The following IKBKB variants were observed in gnomAD, a reference collection of about 807,000 sequenced individuals.
IKBKB encodes the protein inhibitor of nuclear factor kappa B kinase subunit beta, also known as inhibitor of nuclear factor kappa-B kinase subunit beta.
In IKBKB, 42 loss-of-function variants were observed where a neutral mutation model predicts 113.6. That is an observed-to-expected ratio of 0.37 (90% CI 0.29 to 0.48). The LOEUF (loss-of-function observed/expected upper bound fraction) is 0.48. IKBKB is among the 20% of genes least tolerant of loss of function. IKBKB has a pLI of 0.99. For synonymous variants in IKBKB, 296 were observed against 361.3 expected (o/e 0.82, Z 2.05); for missense variants, 673 against 939.7 (o/e 0.72, Z 3.71).
intron 20 of IKBKB, among the ~76,000 whole-genome samples, chr8:42,327,828 G>A (rs1472400299): frequency 1.8e-3 from 3 of 1,690 alleles, no homozygotes; most frequent in African/African-American, 2.8e-3. Context: ...TTTTGAGACG[G>A]AGTCTCGCTC....
In IKBKB at chr8:42,332,456, G is replaced by C. The variant is rs199654574; in HGVS notation, c.*1477G>C. 4.2e-4 allele frequency: 64 copies of C among 152,210 alleles called. No individual in the cohort carries two copies. Among genetic ancestry groups the C allele is most frequent in the African/African-American group, 1.5e-3 (61 of 41,518 alleles). The allele number at this position is 152,210 out of a possible 1,614,324, so 9.4% of individuals were successfully genotyped here. On this transcript the variant is annotated 3_prime_UTR_variant, in exon 22 of 22. Transcript: ENST00000520810. ...ATAAAGCACAATTTTGGAAACCCTG[G>C]TAAATGACAGTGGGAAATAACACCC...
rs1017651013 is a variant in IKBKB, at chr8:42,329,669, A to AC, written c.2205+457dup. The AC allele has an allele frequency of 4.1e-6, 4 of 985,254 alleles. No individual in the cohort carries two copies. The African/African-American group carries it at 7.0e-5, about 17-fold the overall frequency. The allele number at this position is 985,254 out of a possible 1,614,324, so 61.0% of individuals were successfully genotyped here. ...GCATTGTTCCCAGAAGCCTGTCCCC[A>AC]CCTGCACCATTGGTACTACTGCTGA... On this transcript the variant is annotated intron_variant, in intron 21 of 21. Coordinates refer to ENST00000520810, the MANE Select transcript of IKBKB (RefSeq NM_001556.3).
At chr8:42,276,153 C>T (rs187124900) in intron 2 of IKBKB, among the ~76,000 whole-genome samples, 205 of 152,306 alleles carry the variant, frequency 1.3e-3, no homozygotes, top group Non-Finnish European at 2.2e-3. Context: ...TTTGTAGTTT[C>T]TCAAGGAACC....
Position 42,316,869 on chromosome 8 carries a change from G to C in IKBKB, c.1090G>C (p.Asp364His). Residue 364 changes from aspartate (D) to histidine (H), a missense_variant, in exon 11 of 22, where the codon GAT becomes CAT. This residue lies in a region of IKBKB where 506 missense variants were observed against 638.7 expected (regional missense o/e 0.79). Coordinates refer to ENST00000520810, the MANE Select transcript of IKBKB (RefSeq NM_001556.3). The surrounding 1 kb of genome is among the most constrained non-coding windows in gnomAD (Gnocchi z 4.5). The part of the protein sequence containing the change: ...LQEAGLALIP[D>H]KPATQCISDG... ...GGAAGCGGGCCTGGCGTTGATCCCC[G>C]ATAAGCCTGCCACTCAGTGTATTTC... The C allele has an allele frequency of 6.2e-7, 1 of 1,614,016 alleles. No homozygotes were observed. Among genetic ancestry groups the C allele is most frequent in the Non-Finnish European group, 8.5e-7 (1 of 1,180,004 alleles).
Position 42,307,081 on chromosome 8 carries a change from A to G in IKBKB, c.567+649A>G, listed in dbSNP as rs78253222. ...TACTGTGATGCTTACACAGATAACT[A>G]AGAAATTACAGTTGTGGTGAGTGTT... On this transcript the variant is annotated intron_variant, in intron 7 of 21. Coordinates refer to ENST00000520810, the MANE Select transcript of IKBKB (RefSeq NM_001556.3). Among the ~76,000 whole-genome samples, 296 of 152,300 alleles carry G rather than the reference A, an allele frequency of 1.9e-3. 3 individuals are homozygous for G. The Middle Eastern group carries it at 0.024, about 12-fold the overall frequency.
In IKBKB at chr8:42,325,956, A is replaced by C; in HGVS notation, c.1987-14A>C. The stretch of plus-strand genomic sequence containing the variant: ...ATCACTTGGCTCCTAATTTCTTTTG[A>C]TTTTGTCCCCTAGAGCAAGGTCCGT... On this transcript the variant is annotated splice_polypyrimidine_tract_variant and intron_variant, in intron 19 of 21. Transcript: ENST00000520810. 6.2e-7 allele frequency: 1 copy of C among 1,613,428 alleles called. No individual in the cohort carries two copies. The highest frequency in any genetic ancestry group is 8.5e-7 in the Non-Finnish European group (1 of 1,179,812).
At chr8:42,293,586 C>T in intron 5 of IKBKB, 74 bp downstream of exon 5, 1 of 1,612,178 alleles carries the variant, frequency 6.2e-7, no homozygotes, top group Non-Finnish European at 8.5e-7. Flanking sequence ...CCTGCGGAGC[C>T]CTGCAGGCAG....
rs776808731 is a variant in IKBKB, at chr8:42,320,837, G to C, written c.1681G>C (p.Asp561His). Residue 561 changes from aspartate (D) to histidine (H), a missense_variant, in exon 16 of 22, where the codon GAC becomes CAC. Asp to His is a moderately conservative substitution (Grantham distance 81). Around this residue, in one of 2 missense-constraint regions of IKBKB, gnomAD observed 506 missense variants for 638.7 expected, o/e 0.79. Coordinates refer to ENST00000520810, the MANE Select transcript of IKBKB (RefSeq NM_001556.3). ...GGGCCGGAAGCAGGGGGGAACGCTG[G>C]ACGACCTGTGAGTACTGGCTGGGGG... is the stretch of plus-strand genomic sequence containing the variant. ...PMGRKQGGTL[D>H]DLEEQARELY... 2 of 1,588,040 alleles carry C rather than the reference G, an allele frequency of 1.3e-6. No homozygotes were observed. Among genetic ancestry groups the C allele is most frequent in the Non-Finnish European group, 1.7e-6 (2 of 1,166,620 alleles).
chr8:42,322,620 G>C, intron 19 of IKBKB, 126 bp downstream of exon 19: 1 of 953,496 alleles, frequency 1.0e-6, no homozygotes, highest in Non-Finnish European at 1.6e-6. Flanking sequence ...GCTGCTGCTC[G>C]GGCTTCACGT....
At chr8:42,291,327 G>A (rs994926505) in intron 4 of IKBKB, among the ~76,000 whole-genome samples, 16 of 152,122 alleles carry the variant, frequency 1.1e-4, no homozygotes, top group African/African-American at 3.4e-4. Context: ...GATTATAGGC[G>A]CCCGCCCCCA....
intron 7 of IKBKB, 45 bp downstream of exon 7, chr8:42,306,477 T>G: frequency 7.8e-7 from 1 of 1,282,922 alleles, no homozygotes; most frequent in Non-Finnish European, 1.1e-6. Flanking sequence ...TCCTCCCTGC[T>G]GCTGCATTTG....
intron 5 of IKBKB, among the ~76,000 whole-genome samples, chr8:42,294,438 C>G (rs1436806417): frequency 2.0e-5 from 3 of 152,170 alleles, no homozygotes; most frequent in Non-Finnish European, 4.4e-5. Flanking sequence ...AACATTCTCC[C>G]TCATTTGTAA....
intron 5 of IKBKB, among the ~76,000 whole-genome samples, chr8:42,301,438 G>C (rs1815186337): frequency 6.6e-6 from 1 of 152,102 alleles, no homozygotes; most frequent in African/African-American, 2.4e-5. Context: ...TTTCACTTTA[G>C]CTCTGAAGTA....
chr8:42,283,803 T>G (rs2130201072), intron 2 of IKBKB, among the ~76,000 whole-genome samples: 1 of 152,348 alleles, frequency 6.6e-6, no homozygotes, highest in Admixed American at 6.5e-5. Flanking sequence ...TGTATTGAAG[T>G]TACGTTGCTG....
chr8:42,322,714 G>A (rs567350965), intron 19 of IKBKB, among the ~76,000 whole-genome samples: 1 of 152,184 alleles, frequency 6.6e-6, no homozygotes, highest in Non-Finnish European at 1.5e-5. Context: ...TATTACTTTC[G>A]TGTGGCTACT....
intron 4 of IKBKB, 71 bp downstream of exon 4, chr8:42,290,344 G>A: frequency 3.0e-6 from 3 of 996,346 alleles, no homozygotes; most frequent in Non-Finnish European, 4.7e-6. Flanking sequence ...GGGATGGGGA[G>A]ACCTTTCACT....
At chr8:42,273,028 G>T (rs1808157290) in intron 2 of IKBKB, among the ~76,000 whole-genome samples, 1 of 151,270 alleles carries the variant, frequency 6.6e-6, no homozygotes, top group East Asian at 1.9e-4. Context: ...AGGATTGCTT[G>T]TCCAGGAGTT....
chr8:42,298,672 A>G (rs1585654075), intron 5 of IKBKB, among the ~76,000 whole-genome samples: 1 of 152,164 alleles, frequency 6.6e-6, no homozygotes, highest in African/African-American at 2.4e-5. Flanking sequence ...TGGCTCCACC[A>G]TTTTATAGCT....
At chr8:42,323,311 A>C (rs1213519440) in intron 19 of IKBKB, among the ~76,000 whole-genome samples, 2 of 152,208 alleles carry the variant, frequency 1.3e-5, no homozygotes, top group African/African-American at 2.4e-5. Context: ...AACTTGGTTG[A>C]CCATCGTCTG....
Sources: gnomAD v4.1 joint callset for allele counts (sites outside exome capture counted in the v4.1 genomes callset) on GRCh38, gnomAD v4.1.1 for gene constraint, gnomAD v4.1.1 regional missense constraint, Gnocchi (gnomAD v3.1) non-coding constraint, MANE v1.5 for transcripts, NCBI Gene and HGNC (gene_info 2026-07-23, HGNC 2026-07-21) for gene names.